Variants in ORC2 observed in about 807,000 individuals in gnomAD.
ORC2 encodes origin recognition complex subunit 2.
In ORC2, 37 loss-of-function variants were observed where a neutral mutation model predicts 77.7. That is an observed-to-expected ratio of 0.48 (90% CI 0.37 to 0.63). The LOEUF is 0.63. Among genes scored for constraint, ORC2 ranks in the 20% least tolerant of loss-of-function variants. The probability of loss-of-function intolerance (pLI) is 0.00; values close to 1 mark genes in which losing one functional copy is unlikely to be tolerated. For missense variants in ORC2, 557 were observed against 661.9 expected (o/e 0.84, Z 1.74); for synonymous variants, 201 against 229.5 (o/e 0.88, Z 1.12).
chr2:200,939,622 A>T (rs1223851758), intron 7 of ORC2, among the ~76,000 whole-genome samples: 1 of 152,162 alleles, frequency 6.6e-6, no homozygotes, highest in Non-Finnish European at 1.5e-5. Flanking sequence ...TCAGTTTACC[A>T]TTTTGAAAAA....
intron 8 of ORC2, among the ~76,000 whole-genome samples, chr2:200,936,739 T>C (rs1201326784): frequency 6.6e-6 from 1 of 152,136 alleles, no homozygotes; most frequent in Non-Finnish European, 1.5e-5. Context: ...CATCCCAGAG[T>C]TGATTCAAGA....
At chr2:200,912,379 C>T (rs953164272) in intron 17 of ORC2, among the ~76,000 whole-genome samples, 2 of 152,158 alleles carry the variant, frequency 1.3e-5, no homozygotes, top group Non-Finnish European at 2.9e-5. Context: ...ATCATGAACT[C>T]ATCATCTGTC....
At chr2:200,926,566 T>A (rs1408204374) in intron 12 of ORC2, among the ~76,000 whole-genome samples, 1 of 152,230 alleles carries the variant, frequency 6.6e-6, no homozygotes, top group Non-Finnish European at 1.5e-5. Context: ...TAAGTTTTAA[T>A]ACATGTCAGT....
chr2:200,960,177 C>A (rs1421256966), intron 1 of ORC2, among the ~76,000 whole-genome samples: 3 of 151,714 alleles, frequency 2.0e-5, no homozygotes, highest in African/African-American at 7.3e-5. Context: ...GAGGTTTCAC[C>A]ATGTTGCCTA....
At position 200,913,406 on chromosome 2, in the gene ORC2, A is replaced by C. The variant is rs777253575; in HGVS notation, c.1536T>G (p.Ser512=). Residue 512 remains serine, a synonymous_variant, in exon 17 of 18, where the codon TCT becomes TCG. Coordinates refer to ENST00000234296, the MANE Select transcript of ORC2 (RefSeq NM_006190.5). ...NQDNPSYIGL[S]FQDFYQQCRE... is the part of the protein sequence containing the mutation. Reference sequence around the variant, plus strand: ...GACACTGCTGGTAAAAATCTTGAAAAGAAAGGCCTGGCAAGTTCAAAAGGA... The same window carrying C: ...GACACTGCTGGTAAAAATCTTGAAACGAAAGGCCTGGCAAGTTCAAAAGGA... 4.4e-5 allele frequency: 70 copies of C among 1,588,148 alleles called. No individual in the cohort carries two copies. The highest frequency in any genetic ancestry group is 5.9e-5 in the Non-Finnish European group (69 of 1,163,410).
intron 2 of ORC2, 144 bp from the exon 3 acceptor site, chr2:200,958,277 T>C (rs1485886831): frequency 5.9e-6 from 3 of 510,918 alleles, no homozygotes; most frequent in Non-Finnish European, 1.0e-5. Flanking sequence ...CATTACTGTA[T>C]TACTACATAT....
At chr2:200,958,781 T>C (rs2041518968) in intron 2 of ORC2, among the ~76,000 whole-genome samples, 1 of 152,248 alleles carries the variant, frequency 6.6e-6, no homozygotes, top group South Asian at 2.1e-4. Context: ...CTCCAGAGTT[T>C]GGCAAGCAAA....
At chr2:200,935,266 GCACACATCAC>G (rs1211424113) in intron 9 of ORC2, among the ~76,000 whole-genome samples, 1 of 152,148 alleles carries the variant, frequency 6.6e-6, no homozygotes, top group Non-Finnish European at 1.5e-5. Flanking sequence ...GGGATTACAG[GCACACATCAC>G]CACACCTGGC....
chr2:200,944,729 T>G (rs1482150898), intron 5 of ORC2, among the ~76,000 whole-genome samples: 2 of 152,244 alleles, frequency 1.3e-5, no homozygotes, highest in Admixed American at 1.3e-4. Flanking sequence ...TTGTAGAGAC[T>G]GGGTCTTCCT....
Position 200,963,631 on chromosome 2 carries a change from G to T in ORC2, c.-201C>A. On this transcript the variant is annotated 5_prime_UTR_variant, in exon 1 of 18. Transcript: ENST00000234296. ...TAATTCGCGCCCGACCACCGGGGAG[G>T]TAAGGAGCACCGGAGGCCAGCTGGG... The T allele has an allele frequency of 5.0e-6, 2 of 398,640 alleles. No individual in the cohort carries two copies. Among genetic ancestry groups the T allele is most frequent in the Non-Finnish European group, 8.8e-6 (2 of 226,084 alleles). 24.7% of individuals were successfully genotyped at this position (398,640 alleles called of 1,614,324 possible). A position where few individuals can be genotyped will look rare whatever the true frequency, so the allele number is the denominator to read the frequency against.
intron 11 of ORC2, among the ~76,000 whole-genome samples, chr2:200,930,532 A>C (rs1361963259): frequency 6.8e-6 from 1 of 147,792 alleles, no homozygotes; most frequent in Non-Finnish European, 1.5e-5. Flanking sequence ...TTTTTAAGAC[A>C]GAGTCTCTCA....
At chr2:200,938,624 T>C (rs1356215056) in intron 7 of ORC2, among the ~76,000 whole-genome samples, 2 of 152,218 alleles carry the variant, frequency 1.3e-5, no homozygotes, top group Non-Finnish European at 2.9e-5. Flanking sequence ...TTTCTAATAG[T>C]ACTGATAAAA....
At chr2:200,922,078 A>T (rs1260520432) in intron 13 of ORC2, among the ~76,000 whole-genome samples, 1 of 145,398 alleles carries the variant, frequency 6.9e-6, no homozygotes, top group South Asian at 2.2e-4. Flanking sequence ...AGCATTATAT[A>T]TAATGCTCTC....
At chr2:200,961,574 TCTAA>T (rs1462157259) in intron 1 of ORC2, among the ~76,000 whole-genome samples, 1 of 152,220 alleles carries the variant, frequency 6.6e-6, no homozygotes, top group Non-Finnish European at 1.5e-5. Flanking sequence ...GGAAAGTTTC[TCTAA>T]CTTTCCAGTT....
At chr2:200,938,515 G>T (rs1377929927) in intron 7 of ORC2, among the ~76,000 whole-genome samples, 2 of 152,108 alleles carry the variant, frequency 1.3e-5, no homozygotes, top group African/African-American at 2.4e-5. Flanking sequence ...TTAAAAAATT[G>T]TAACTTTTTG....
chr2:200,931,907 C>T (rs375565399), intron 10 of ORC2, among the ~76,000 whole-genome samples: 6 of 152,138 alleles, frequency 3.9e-5, no homozygotes, highest in East Asian at 1.9e-4. Flanking sequence ...AAGTGCATTG[C>T]CCTGTACCCC....
rs547403842 is a variant in ORC2, at chr2:200,957,335, T to A, written c.238+66A>T. The A allele has an allele frequency of 2.2e-5, 27 of 1,229,144 alleles. 1 individual carries two copies. In the South Asian group the frequency reaches 4.4e-4, roughly 20 times the overall value. 76.1% of individuals were successfully genotyped at this position (1,229,144 alleles called of 1,614,324 possible). ...ACTGTTTAACCTACCAGACTACTTT[T>A]GTGTATCCTATAAAGCAATTTCTGC... On this transcript the variant is annotated intron_variant, in intron 4 of 17. Transcript: ENST00000234296.
intron 5 of ORC2, among the ~76,000 whole-genome samples, chr2:200,945,606 T>C (rs2125010889): frequency 6.6e-6 from 1 of 152,136 alleles, no homozygotes; most frequent in South Asian, 2.1e-4. Context: ...CAAAAAAAAA[T>C]AGGGCATAAA....
intron 13 of ORC2, among the ~76,000 whole-genome samples, chr2:200,924,492 T>C (rs947120138): frequency 6.6e-6 from 1 of 152,172 alleles, no homozygotes; most frequent in East Asian, 1.9e-4. Flanking sequence ...ATTGACAAGA[T>C]AAAAGTACTA....
Sources: gnomAD v4.1 joint callset for allele counts (sites outside exome capture counted in the v4.1 genomes callset) on GRCh38, gnomAD v4.1.1 for gene constraint, MANE v1.5 for transcripts, NCBI Gene and HGNC (gene_info 2026-07-23, HGNC 2026-07-21) for gene names.